DNAJC13: variants seen among roughly 807,000 people sequenced by gnomAD.
DNAJC13 encodes the protein DnaJ heat shock protein family (Hsp40) member C13, also known as dnaJ homolog subfamily C member 13.
In DNAJC13, 75 loss-of-function variants were observed where a neutral mutation model predicts 290.5. The observed-to-expected ratio is 0.26, with a 90% CI of 0.21 to 0.31. DNAJC13 has a LOEUF of 0.31. Among genes scored for constraint, DNAJC13 ranks in the 10% least tolerant of loss-of-function variants. DNAJC13 has a pLI of 1.00. For synonymous variants in DNAJC13, 862 were observed against 892.0 expected (o/e 0.97, Z 0.60); for missense variants, 2,260 against 2,674.5 (o/e 0.85, Z 3.42).
At chr3:132,457,477 A>G in intron 13 of DNAJC13, 109 bp downstream of exon 13, 1 of 867,384 alleles carries the variant, frequency 1.2e-6, no homozygotes, top group South Asian at 1.7e-5. Context: ...TTTCTGTTTC[A>G]TAAATTGTTC....
chr3:132,456,209 C>CT, intron 9 of DNAJC13, 26 bp from the exon 10 acceptor site: 4 of 1,604,478 alleles, frequency 2.5e-6, no homozygotes, highest in South Asian at 1.1e-5. Flanking sequence ...ATGCTAAAAC[C>CT]TTTTTTTACT....
At chr3:132,528,491 A>G (rs1471516402) in intron 54 of DNAJC13, among the ~76,000 whole-genome samples, 159 bp downstream of exon 54, 1 of 152,242 alleles carries the variant, frequency 6.6e-6, no homozygotes, top group Non-Finnish European at 1.5e-5. Flanking sequence ...TACCTGCCTC[A>G]TAACTGATGA....
chr3:132,490,854 C>G, intron 31 of DNAJC13, 43 bp from the exon 32 acceptor site: 4 of 1,447,934 alleles, frequency 2.8e-6, no homozygotes, highest in Non-Finnish European at 2.7e-6. Flanking sequence ...TGAAAGTTAA[C>G]TTTAGTGTTT....
At chr3:132,486,981 G>T (rs1009979370) in intron 29 of DNAJC13, among the ~76,000 whole-genome samples, 7 of 151,908 alleles carry the variant, frequency 4.6e-5, no homozygotes, top group African/African-American at 1.5e-4. Flanking sequence ...TGCTTGTGTG[G>T]GTGTTTGCCA....
intron 38 of DNAJC13, 119 bp from the exon 39 acceptor site, chr3:132,500,675 A>T: frequency 7.6e-7 from 1 of 1,319,116 alleles, no homozygotes; most frequent in Non-Finnish European, 1.0e-6. Flanking sequence ...TTAATTTTGG[A>T]ACATTGTATA....
At chr3:132,440,454 C>A (rs1048733549) in intron 2 of DNAJC13, among the ~76,000 whole-genome samples, 1 of 152,214 alleles carries the variant, frequency 6.6e-6, no homozygotes, top group African/African-American at 2.4e-5. Context: ...TGGATTATTT[C>A]TTTTCTCACA....
At position 132,494,953 on chromosome 3, in the gene DNAJC13, G is replaced by C. The variant is rs1034039609; in HGVS notation, c.3942-135G>C. 4.0e-5 allele frequency: 20 copies of C among 494,012 alleles called. No homozygotes were observed. In the Admixed American group the frequency reaches 5.8e-4, roughly 14 times the overall value. The allele number at this position is 494,012 out of a possible 1,614,324, so 30.6% of individuals were successfully genotyped here. On this transcript the variant is annotated intron_variant, in intron 34 of 55. Coordinates refer to ENST00000260818, the MANE Select transcript of DNAJC13 (RefSeq NM_015268.4). The stretch of plus-strand genomic sequence containing the variant: ...AAAAAAAAATCTTAATTCTTTCTGG[G>C]TTTAATTTGAAGCCTAATATATAAT...
At chr3:132,462,741 TA>T (rs1933840929) in intron 16 of DNAJC13, among the ~76,000 whole-genome samples, 2 of 152,214 alleles carry the variant, frequency 1.3e-5, no homozygotes, top group Non-Finnish European at 2.9e-5. Flanking sequence ...GTAGAGCAAA[TA>T]AATCTGTTAC....
chr3:132,419,081 T>A (rs1938881277), intron 1 of DNAJC13, among the ~76,000 whole-genome samples: 1 of 152,240 alleles, frequency 6.6e-6, no homozygotes, highest in South Asian at 2.1e-4. Context: ...CAGACTTGGC[T>A]TGTGCTGTTA....
At chr3:132,476,883 A>G (rs916783945) in intron 22 of DNAJC13, among the ~76,000 whole-genome samples, 2 of 152,208 alleles carry the variant, frequency 1.3e-5, no homozygotes, top group African/African-American at 4.8e-5. Context: ...CCTTTTATAC[A>G]TACACACATA....
chr3:132,492,523 C>A lies in DNAJC13; in HGVS notation c.3733C>A (p.Pro1245Thr), dbSNP rs781631597. 1 of 1,613,814 alleles carries A rather than the reference C, an allele frequency of 6.2e-7. No homozygotes were observed. The highest frequency in any genetic ancestry group is 2.2e-5 in the East Asian group (1 of 44,870). ...QYCPIPIINY[P>T]QLENELFCNI... ...TTGCCCCATTCCTATAATCAACTAT[C>A]CACAACTCGAAAATGAACTATTTTG... The change falls in exon 33 of 56, where the codon CCA becomes ACA. Residue 1245 changes from proline to threonine, a missense_variant. By Grantham distance (38) the Pro-to-Thr change is conservative (BLOSUM62 -1). This residue lies in a region of DNAJC13 where 1,494 missense variants were observed against 1,693.7 expected (regional missense o/e 0.88). Transcript: ENST00000260818.
intron 20 of DNAJC13, among the ~76,000 whole-genome samples, chr3:132,467,707 C>T (rs888415133): frequency 2.6e-4 from 40 of 152,194 alleles, no homozygotes; most frequent in African/African-American, 8.9e-4. Context: ...CCTCGTGATC[C>T]GCCTGCCTCA....
intron 20 of DNAJC13, among the ~76,000 whole-genome samples, chr3:132,470,208 C>G (rs1406409639): frequency 5.1e-5 from 3 of 58,424 alleles, no homozygotes; most frequent in African/African-American, 2.5e-4. Flanking sequence ...ATGCTGTCTT[C>G]AAGCATCTGT....
intron 36 of DNAJC13, 103 bp from the exon 37 acceptor site, chr3:132,499,023 T>A: frequency 8.8e-7 from 1 of 1,133,830 alleles, no homozygotes; most frequent in Non-Finnish European, 1.2e-6. Flanking sequence ...GCCCCATTTT[T>A]ATTTTTTTAA....
chr3:132,434,636 GT>G lies in DNAJC13; in HGVS notation c.68+27del, dbSNP rs199617861. On this transcript the variant is annotated intron_variant, in intron 2 of 55. Transcript: ENST00000260818. ...AGGGGGAAGTAAGTATTCTTGTTGG[GT>G]TTTTTTTTCTGTGCTTCTATAAAAT... 29 of 1,558,322 alleles carry G rather than the reference GT, an allele frequency of 1.9e-5. No individual in the cohort carries two copies. Among genetic ancestry groups the G allele is most frequent in the Admixed American group, 3.8e-5 (2 of 52,190 alleles).
chr3:132,455,530 A>C (rs887679344), intron 9 of DNAJC13, among the ~76,000 whole-genome samples: 2 of 152,204 alleles, frequency 1.3e-5, no homozygotes, highest in Non-Finnish European at 2.9e-5. Context: ...AGAGACTTGC[A>C]CATGAATGTT....
chr3:132,501,026 A>G, intron 39 of DNAJC13, 113 bp downstream of exon 39: 1 of 1,313,992 alleles, frequency 7.6e-7, no homozygotes, highest in Non-Finnish European at 1.0e-6. Context: ...TGTAAGTAAA[A>G]TTATTTGGAT....
chr3:132,524,306 G>T (rs990808632), intron 51 of DNAJC13, among the ~76,000 whole-genome samples: 1 of 152,212 alleles, frequency 6.6e-6, no homozygotes, highest in Admixed American at 6.5e-5. Flanking sequence ...ATTTTGTTGA[G>T]ATTGAAGACA....
intron 2 of DNAJC13, among the ~76,000 whole-genome samples, chr3:132,443,475 A>G (rs1424269093): frequency 6.6e-6 from 1 of 152,192 alleles, no homozygotes; most frequent in African/African-American, 2.4e-5. Flanking sequence ...TTAGCTGTAA[A>G]TGTTGTGACT....
Sources: allele counts gnomAD v4.1 joint callset (sites outside exome capture counted in the v4.1 genomes callset), GRCh38; gene constraint gnomAD v4.1.1; regional missense constraint gnomAD v4.1.1; transcripts MANE v1.5; gene names NCBI Gene and HGNC (gene_info 2026-07-23, HGNC 2026-07-21).